WDR70: variants seen among roughly 807,000 people sequenced by gnomAD.
The protein encoded by WDR70 is WD repeat-containing protein 70.
Under a neutral mutation model 88.6 loss-of-function variants are expected in WDR70, and 53 were observed. The ratio of observed to expected loss-of-function variants is 0.60; its 90% CI spans 0.48 to 0.75. The LOEUF (loss-of-function observed/expected upper bound fraction) is 0.75. Ranked by LOEUF, WDR70 falls within the 30% of genes least tolerant of loss-of-function variation. WDR70 has a pLI of 0.00. For synonymous variants in WDR70, 280 were observed against 270.0 expected, an observed-to-expected ratio of 1.04 and a Z score of -0.36; for missense variants, 610 against 823.2, an observed-to-expected ratio of 0.74 and a Z score of 3.17.
chr5:37,425,395 C>T (rs1448402119), intron 5 of WDR70, among the ~76,000 whole-genome samples: 1 of 152,288 alleles, frequency 6.6e-6, no homozygotes, highest in East Asian at 1.9e-4. Flanking sequence ...CAAGTTAGGC[C>T]TCCTTCAGAA....
intron 8 of WDR70, chr5:37,506,958 G>A (rs578118305): frequency 1.4e-6 from 1 of 697,582 alleles, no homozygotes; most frequent in African/African-American, 1.7e-5. Context: ...CCACCCACTT[G>A]GATTCACCTC....
intron 7 of WDR70, among the ~76,000 whole-genome samples, chr5:37,469,261 A>G (rs910183579): frequency 2.0e-5 from 3 of 152,140 alleles, no homozygotes; most frequent in Admixed American, 6.6e-5. Context: ...GGGTGGCAGT[A>G]GGATCTACCC....
intron 3 of WDR70, among the ~76,000 whole-genome samples, chr5:37,387,325 A>G (rs1487693987): frequency 6.6e-6 from 1 of 152,206 alleles, no homozygotes; most frequent in East Asian, 1.9e-4. Context: ...AAAGTACTTT[A>G]TAAATATTAT....
chr5:37,688,949 G>C (rs1561072163), intron 10 of WDR70, among the ~76,000 whole-genome samples: 1 of 152,154 alleles, frequency 6.6e-6, no homozygotes. Context: ...AGCCGTGACA[G>C]ACTGTACCTG....
At chr5:37,676,390 T>C (rs1746209663) in intron 10 of WDR70, among the ~76,000 whole-genome samples, 1 of 152,150 alleles carries the variant, frequency 6.6e-6, no homozygotes, top group Non-Finnish European at 1.5e-5. Flanking sequence ...ATAGCTCTTA[T>C]TATTTTGAAA....
chr5:37,651,770 C>T (rs561348995), intron 10 of WDR70, among the ~76,000 whole-genome samples: 4 of 152,094 alleles, frequency 2.6e-5, no homozygotes, highest in African/African-American at 9.7e-5. Context: ...TGAGAAGTGT[C>T]TGTTCATATC....
chr5:37,728,359 A>C (rs559075214), intron 17 of WDR70, among the ~76,000 whole-genome samples: 1 of 56,790 alleles, frequency 1.8e-5, no homozygotes, highest in Admixed American at 2.3e-4. Context: ...AAAAAAAAAA[A>C]AAAACAAAAA....
chr5:37,583,208 C>T (rs1743269040), intron 9 of WDR70, among the ~76,000 whole-genome samples: 2 of 152,046 alleles, frequency 1.3e-5, no homozygotes, highest in Non-Finnish European at 2.9e-5. Flanking sequence ...AGGTGGATCA[C>T]GAGGTGAGGA....
chr5:37,529,433 T>C (rs1417861358), intron 9 of WDR70, among the ~76,000 whole-genome samples: 1 of 152,202 alleles, frequency 6.6e-6, no homozygotes, highest in Non-Finnish European at 1.5e-5. Context: ...TTTCACAATA[T>C]TGATTCTACT....
chr5:37,520,126 A>G (rs1436077508), intron 9 of WDR70, among the ~76,000 whole-genome samples: 1 of 152,186 alleles, frequency 6.6e-6, no homozygotes, highest in Non-Finnish European at 1.5e-5. Flanking sequence ...AGTTAAAAAA[A>G]TAGGTGGTAT....
intron 10 of WDR70, among the ~76,000 whole-genome samples, chr5:37,696,320 G>GATT (rs1038761299): frequency 2.0e-5 from 3 of 152,114 alleles, no homozygotes; most frequent in Non-Finnish European, 2.9e-5. Flanking sequence ...AATATATACA[G>GATT]ATTATTATTA....
At position 37,726,878 on chromosome 5, in the gene WDR70, A is replaced by C; in HGVS notation, c.1715-5A>C. ...TCTAATTTGGTTTTTTTTCTTTTGC[A>C]ATAGGTCGTGGTGGCCGAGTTGGAA... On this transcript the variant is annotated splice_polypyrimidine_tract_variant and splice_region_variant and intron_variant, in intron 16 of 17. Coordinates refer to ENST00000265107, the MANE Select transcript of WDR70 (RefSeq NM_018034.4). The C allele has an allele frequency of 6.3e-7, 1 of 1,575,390 alleles. No homozygotes were observed. The highest frequency in any genetic ancestry group is 8.6e-7 in the Non-Finnish European group (1 of 1,165,920).
At chr5:37,384,173 C>CTTTTTTTTTTTTTTTTTTTTTTTTTT (rs57075180) in intron 3 of WDR70, among the ~76,000 whole-genome samples, 1 of 107,872 alleles carries the variant, frequency 9.3e-6, no homozygotes. Flanking sequence ...ACTTTCCCCC[C>CTTTTTTTTTTTTTTTTTTTTTTTTTT]TTTTTTTTTT....
intron 7 of WDR70, among the ~76,000 whole-genome samples, chr5:37,457,397 G>A (rs1225156148): frequency 1.3e-5 from 2 of 152,152 alleles, no homozygotes; most frequent in Admixed American, 6.5e-5. Flanking sequence ...CACCCAGCCA[G>A]TATATCTTAT....
At chr5:37,726,636 A>G (rs976020199) in intron 16 of WDR70, among the ~76,000 whole-genome samples, 4 of 152,152 alleles carry the variant, frequency 2.6e-5, no homozygotes, top group Non-Finnish European at 4.4e-5. Flanking sequence ...AATTTTTTCT[A>G]TATTGGTATC....
At chr5:37,480,059 GTAA>G in intron 8 of WDR70, 72 bp downstream of exon 8, 1 of 1,520,770 alleles carries the variant, frequency 6.6e-7, no homozygotes, top group Non-Finnish European at 8.8e-7. Flanking sequence ...GAGTTATCAT[GTAA>G]TAATTTTCCC....
chr5:37,413,601 A>T (rs1749593308), intron 5 of WDR70, among the ~76,000 whole-genome samples: 1 of 151,880 alleles, frequency 6.6e-6, no homozygotes, highest in Non-Finnish European at 1.5e-5. Flanking sequence ...TGTGCCTGTG[A>T]TCCCAGCTAC....
intron 5 of WDR70, among the ~76,000 whole-genome samples, chr5:37,407,471 C>G (rs1018883237): frequency 6.6e-6 from 1 of 151,430 alleles, no homozygotes; most frequent in African/African-American, 2.4e-5. Context: ...TTGCAACGAG[C>G]TAAAAATCGT....
chr5:37,535,521 C>T (rs1741638391), intron 9 of WDR70, among the ~76,000 whole-genome samples: 1 of 152,096 alleles, frequency 6.6e-6, no homozygotes, highest in African/African-American at 2.4e-5. Flanking sequence ...AGTACTAAAT[C>T]TGTACTGTAT....
Sources: gnomAD v4.1 joint callset for allele counts (sites outside exome capture counted in the v4.1 genomes callset) on GRCh38, gnomAD v4.1.1 for gene constraint, MANE v1.5 for transcripts, NCBI Gene and HGNC (gene_info 2026-07-23, HGNC 2026-07-21) for gene names.